RAPGEF2: variants seen among roughly 807,000 people sequenced by gnomAD.
RAPGEF2 encodes Rap guanine nucleotide exchange factor 2.
In RAPGEF2, 54 loss-of-function variants were observed where a neutral mutation model predicts 186.7. The observed-to-expected ratio is 0.29, with a 90% CI of 0.23 to 0.36. The LOEUF is 0.36. Among genes scored for constraint, RAPGEF2 ranks in the 10% least tolerant of loss-of-function variants. The pLI, the probability that RAPGEF2 is intolerant of heterozygous loss-of-function variation, is 1.00. For missense variants in RAPGEF2, 1,532 were observed against 2,045.0 expected (o/e 0.75, Z 4.84); for synonymous variants, 712 against 705.9 (o/e 1.01, Z -0.14).
chr4:159,276,108 G>A (rs1444799862), intron 7 of RAPGEF2, among the ~76,000 whole-genome samples: 3 of 152,118 alleles, frequency 2.0e-5, no homozygotes, highest in African/African-American at 7.2e-5. Flanking sequence ...AGATTGCCTT[G>A]AGTTCCTTGT....
intron 3 of RAPGEF2, among the ~76,000 whole-genome samples, chr4:159,196,282 TTATA>T (rs1192904842): frequency 3.9e-5 from 6 of 152,168 alleles, no homozygotes; most frequent in South Asian, 4.1e-4. Flanking sequence ...TGTATTTGTG[TTATA>T]TATATAAATT....
intron 1 of RAPGEF2, among the ~76,000 whole-genome samples, chr4:159,110,527 G>A (rs1274577357): frequency 2.0e-5 from 3 of 152,126 alleles, no homozygotes; most frequent in South Asian, 2.1e-4. Flanking sequence ...GCAGTGAGCC[G>A]AGATTGTGCC....
intron 8 of RAPGEF2, among the ~76,000 whole-genome samples, chr4:159,306,123 T>G (rs1156509102): frequency 1.3e-5 from 2 of 150,002 alleles, no homozygotes; most frequent in African/African-American, 4.9e-5. Flanking sequence ...TCTTTTGTGA[T>G]TACGTATGAA....
chr4:159,236,836 G>A (rs906782581), intron 4 of RAPGEF2, among the ~76,000 whole-genome samples: 1 of 152,192 alleles, frequency 6.6e-6, no homozygotes, highest in East Asian at 1.9e-4. Flanking sequence ...AAAAATTCAG[G>A]TCATTTAAAT....
intron 1 of RAPGEF2, among the ~76,000 whole-genome samples, chr4:159,122,826 G>C (rs1739855141): frequency 6.6e-6 from 1 of 152,182 alleles, no homozygotes; most frequent in African/African-American, 2.4e-5. Context: ...CACTGGTGAT[G>C]CTGGAAGTGT....
At chr4:159,250,665 CTTTTTTTTTT>C (rs34304252) in intron 7 of RAPGEF2, among the ~76,000 whole-genome samples, 4 of 123,058 alleles carry the variant, frequency 3.3e-5, no homozygotes, top group African/African-American at 1.3e-4. Context: ...TAGCACTCTT[CTTTTTTTTTT>C]TTTTTTTTTT....
Position 159,131,519 on chromosome 4 carries a change from A to ATTGGTT in RAPGEF2, c.69+27290_69+27291insGGTTTT. On this transcript the variant is annotated intron_variant, in intron 1 of 29. Transcript: ENST00000691494. Reference sequence around the variant, plus strand: ...TGATATCTTTGTCTGATTAATTGCTATTTTTTTTTTTTTTTTTTTTTTTTT... The same window carrying ATTGGTT: ...TGATATCTTTGTCTGATTAATTGCTATTGGTTTTTTTTTTTTTTTTTTTTTTTTTTT... Among the ~76,000 whole-genome samples, 157 of 37,144 alleles carry ATTGGTT rather than the reference A, an allele frequency of 4.2e-3. 5 individuals carry two copies. The highest frequency in any genetic ancestry group is 0.013 in the African/African-American group (107 of 8,288). The allele number at this position is 37,144 out of a possible 152,430, so 24.4% of individuals were successfully genotyped here.
intron 11 of RAPGEF2, among the ~76,000 whole-genome samples, chr4:159,325,679 A>G (rs1303115253): frequency 2.0e-5 from 3 of 152,134 alleles, no homozygotes; most frequent in Non-Finnish European, 4.4e-5. Context: ...TTTTGTAAGT[A>G]TGAGACTGAA....
chr4:159,296,583 T>A (rs537078082), intron 7 of RAPGEF2, among the ~76,000 whole-genome samples: 1 of 152,360 alleles, frequency 6.6e-6, no homozygotes, highest in Admixed American at 6.5e-5. Context: ...AAATCACTTT[T>A]CTGCATCTGA....
In RAPGEF2 at chr4:159,356,106, T is replaced by C. The variant is rs1304299758; in HGVS notation, c.4905T>C (p.Ser1635=). The part of the protein sequence containing the change: ...NKPQWHKPNE[S]DPRLAPYQSQ... ...CTCAGTGGCATAAACCGAACGAGTC[T>C]GACCCGCGCCTCGCCCCCTATCAGT... The change falls in exon 29 of 30, where the codon TCT becomes TCC. Residue 1635 remains serine (S), a synonymous_variant. Coordinates refer to ENST00000691494, the MANE Select transcript of RAPGEF2 (RefSeq NM_001394067.2). 2 of 1,614,214 alleles carry C rather than the reference T, an allele frequency of 1.2e-6. No individual in the cohort carries two copies. Among genetic ancestry groups the C allele is most frequent in the African/African-American group, 2.7e-5 (2 of 75,068 alleles).
At chr4:159,130,249 T>C (rs1740878687) in intron 1 of RAPGEF2, among the ~76,000 whole-genome samples, 1 of 152,210 alleles carries the variant, frequency 6.6e-6, no homozygotes, top group African/African-American at 2.4e-5. Flanking sequence ...TTGACCTGTA[T>C]CTTGTGGTGA....
chr4:159,197,598 A>G (rs1317673130), intron 3 of RAPGEF2, among the ~76,000 whole-genome samples: 1 of 152,222 alleles, frequency 6.6e-6, no homozygotes, highest in Non-Finnish European at 1.5e-5. Flanking sequence ...AAAGAGCTAC[A>G]TTGAGGCCTG....
intron 1 of RAPGEF2, among the ~76,000 whole-genome samples, chr4:159,167,250 TG>T (rs1279466265): frequency 6.6e-6 from 1 of 152,206 alleles, no homozygotes; most frequent in Non-Finnish European, 1.5e-5. Context: ...AATCTAAACA[TG>T]TGGCCAGTTT....
chr4:159,113,649 A>G (rs146124609), intron 1 of RAPGEF2, among the ~76,000 whole-genome samples: 1,558 of 151,542 alleles, frequency 0.01, 27 homozygotes, highest in African/African-American at 0.035. Flanking sequence ...GGCTGAGGCA[A>G]GAGAATCACT....
At chr4:159,126,125 C>G (rs918345462) in intron 1 of RAPGEF2, among the ~76,000 whole-genome samples, 2 of 152,130 alleles carry the variant, frequency 1.3e-5, no homozygotes, top group Non-Finnish European at 1.5e-5. Context: ...TGATTATCCT[C>G]AATTTTTATG....
chr4:159,281,520 A>G (rs1194151087), intron 7 of RAPGEF2, among the ~76,000 whole-genome samples: 1 of 151,428 alleles, frequency 6.6e-6, no homozygotes, highest in Non-Finnish European at 1.5e-5. Context: ...AAATATTAAA[A>G]ATTAGCCAGG....
chr4:159,156,724 G>C (rs1440798424), intron 1 of RAPGEF2, among the ~76,000 whole-genome samples: 2 of 152,128 alleles, frequency 1.3e-5, no homozygotes, highest in African/African-American at 4.8e-5. Flanking sequence ...CCACCTATGA[G>C]TGAGAACCTG....
At chr4:159,182,383 C>CTTT (rs1747097433) in intron 1 of RAPGEF2, among the ~76,000 whole-genome samples, 2 of 76,816 alleles carry the variant, frequency 2.6e-5, no homozygotes, top group Non-Finnish European at 5.4e-5. Context: ...ATTTTCTTTT[C>CTTT]TTCTTTTTTT....
intron 3 of RAPGEF2, among the ~76,000 whole-genome samples, chr4:159,196,249 C>T (rs559403485): frequency 2.6e-5 from 4 of 151,902 alleles, no homozygotes; most frequent in Admixed American, 2.0e-4. Flanking sequence ...TGTGTGAGTT[C>T]GGTTTTGAAA....
Sources: allele counts gnomAD v4.1 joint callset (sites outside exome capture counted in the v4.1 genomes callset), GRCh38; gene constraint gnomAD v4.1.1; transcripts MANE v1.5; gene names NCBI Gene and HGNC (gene_info 2026-07-23, HGNC 2026-07-21).